The following PLA2G4D variants were observed in gnomAD, a reference collection of about 807,000 sequenced individuals.
PLA2G4D encodes phospholipase A2 group IVD.
PLA2G4D carries 80 observed loss-of-function variants against 94.4 expected under a neutral mutation model. The observed-to-expected ratio is 0.85, with a 90% CI of 0.71 to 1.02. PLA2G4D has a LOEUF of 1.02. Among genes scored for constraint, PLA2G4D ranks in the 50% least tolerant of loss-of-function variants. The pLI is 0.00. For missense variants in PLA2G4D, 1,050 were observed against 1,034.7 expected, an observed-to-expected ratio of 1.01 and a Z score of -0.20; for synonymous variants, 438 against 440.9, an observed-to-expected ratio of 0.99 and a Z score of 0.08.
chr15:42,071,465 T>G lies in PLA2G4D; in HGVS notation c.1660A>C (p.Lys554Gln). 6.2e-7 allele frequency: 1 copy of G among 1,613,392 alleles called. No individual in the cohort carries two copies. The change falls in exon 16 of 20, where the codon AAG becomes CAG. Residue 554 changes from lysine (K) to glutamine (Q), a missense_variant. Physicochemically the swap from Lys to Gln is moderately conservative, Grantham distance 53. Transcript: ENST00000290472. ...CCACCTAAGCTCCTGGTCTTGTCCT[T>G]GATGTGCTGTTTCCAGGACTCCCCA... ...SSGESWKQHI[K>Q]DKTRSLEKEP...
Position 42,071,214 on chromosome 15 carries a change from G to T in PLA2G4D, c.1785C>A (p.Gly595=). 1 of 1,613,430 alleles carries T rather than the reference G, an allele frequency of 6.2e-7. No homozygotes were observed. Among genetic ancestry groups the T allele is most frequent in the South Asian group, 1.1e-5 (1 of 91,040 alleles). ...LAQAFKGFLT[G]RPLHQRSPNF... Reference sequence around the variant, plus strand: ...TGGGGCTGCGCTGGTGGAGGGGCCTGCCTGTCAGGAAGCCTTTAAATGCCT... The same window carrying T: ...TGGGGCTGCGCTGGTGGAGGGGCCTTCCTGTCAGGAAGCCTTTAAATGCCT... The change falls in exon 17 of 20, where the codon GGC becomes GGA. Residue 595 remains glycine (G), a synonymous_variant. Coordinates refer to ENST00000290472, the MANE Select transcript of PLA2G4D (RefSeq NM_178034.4).
chr15:42,081,699 A>C (rs1890042375), intron 10 of PLA2G4D, 85 bp from the exon 11 acceptor site: 12 of 1,611,144 alleles, frequency 7.4e-6, no homozygotes, highest in Admixed American at 5.0e-5. Flanking sequence ...GCTGCCAAAG[A>C]AGCCCTCTCC....
Position 42,067,686 on chromosome 15 carries a change from A to C in PLA2G4D, c.*1029T>G, listed in dbSNP as rs763655040. The C allele has an allele frequency of 1.3e-5, 2 of 152,236 alleles. No homozygotes were observed. The highest frequency in any genetic ancestry group is 1.9e-4 in the East Asian group (1 of 5,200). The allele number at this position is 152,236 out of a possible 1,614,324, so 9.4% of individuals were successfully genotyped here. On this transcript the variant is annotated 3_prime_UTR_variant, in exon 20 of 20. Coordinates refer to ENST00000290472, the MANE Select transcript of PLA2G4D (RefSeq NM_178034.4). ...AAAACCAATTAATGCAATAGAGTACATTAATAAAATACACGACAAAACCAC... is the reference window on the plus strand; with the variant it reads ...AAAACCAATTAATGCAATAGAGTACCTTAATAAAATACACGACAAAACCAC...
intron 5 of PLA2G4D, 132 bp downstream of exon 5, chr15:42,085,359 T>G: frequency 4.3e-6 from 5 of 1,155,256 alleles, no homozygotes; most frequent in Non-Finnish European, 6.5e-6. Context: ...CCCGCCCCAC[T>G]CCCGACCTCT....
chr15:42,072,197 A>G (rs1481896650), intron 14 of PLA2G4D, 78 bp downstream of exon 14: 2 of 1,313,704 alleles, frequency 1.5e-6, no homozygotes, highest in Non-Finnish European at 2.2e-6. Context: ...AGCTTCCAGC[A>G]TGAATTCTCT....
rs1440251112 is a variant in PLA2G4D at position 42,070,376 on chromosome 15, T to A, written c.2044-281A>T. On this transcript the variant is annotated intron_variant, in intron 18 of 19. Transcript: ENST00000290472. Reference sequence around the variant, plus strand: ...GATTGCTATTGCTGGACTGTTCAAATCCCAGAGCCGAGAGGAGACCCACAT... The same window carrying A: ...GATTGCTATTGCTGGACTGTTCAAAACCCAGAGCCGAGAGGAGACCCACAT... 1.4e-5 allele frequency: 7 copies of A among 513,224 alleles called. No individual in the cohort carries two copies. The African/African-American group carries it at 1.4e-4, about 10-fold the overall frequency. 31.8% of individuals were successfully genotyped at this position (513,224 alleles called of 1,614,324 possible). A position where few individuals can be genotyped will look rare whatever the true frequency, so the allele number is the denominator to read the frequency against.
chr15:42,068,044 T>C lies in PLA2G4D; in HGVS notation c.*671A>G, dbSNP rs1317730324. 1.3e-5 allele frequency: 2 copies of C among 152,274 alleles called. No individual in the cohort carries two copies. Among genetic ancestry groups the C allele is most frequent in the African/African-American group, 4.8e-5 (2 of 41,442 alleles). The allele number at this position is 152,274 out of a possible 1,614,324, so 9.4% of individuals were successfully genotyped here. A position where few individuals can be genotyped will look rare whatever the true frequency, so the allele number is the denominator to read the frequency against. On this transcript the variant is annotated 3_prime_UTR_variant, in exon 20 of 20. Coordinates refer to ENST00000290472, the MANE Select transcript of PLA2G4D (RefSeq NM_178034.4). Reference sequence around the variant, plus strand: ...GGCATGATCTGTCTACAGAAAATTCTAAGAAATCCGCAAAAGTATTAGAGC... The same window carrying C: ...GGCATGATCTGTCTACAGAAAATTCCAAGAAATCCGCAAAAGTATTAGAGC...
At position 42,089,966 on chromosome 15, in the gene PLA2G4D, A is replaced by G. The variant is rs562641206; in HGVS notation, c.46-2266T>C. On this transcript the variant is annotated intron_variant, in intron 1 of 19. Transcript: ENST00000290472. ...CATTCCCCGGCAGGTTATTTTCCCT[A>G]GAGAAAAATCCCGATTCTCTTCACC... Among the ~76,000 whole-genome samples the G allele has an allele frequency of 7.9e-5, 12 of 152,344 alleles. No individual in the cohort carries two copies. The East Asian group carries it at 2.1e-3, about 27-fold the overall frequency.
intron 13 of PLA2G4D, among the ~76,000 whole-genome samples, chr15:42,075,562 G>A (rs143768757): frequency 0.011 from 1,705 of 152,236 alleles, 30 homozygotes; most frequent in African/African-American, 0.039. Context: ...AACATTTATT[G>A]CAAAACATGA....
chr15:42,086,346 TAGGAACC>T lies in PLA2G4D; in HGVS notation c.256-9_256-3del. 1 of 1,613,520 alleles carries T rather than the reference TAGGAACC, an allele frequency of 6.2e-7. No homozygotes were observed. The highest frequency in any genetic ancestry group is 2.2e-5 in the East Asian group (1 of 44,864). Reference sequence around the variant, plus strand: ...ATAGATGCTAAGCTCCAGAACATTCTAGGAACCAGGAACAGCGACTTAGCATTTTACC... The same window carrying T: ...ATAGATGCTAAGCTCCAGAACATTCTAGGAACAGCGACTTAGCATTTTACC... On this transcript the variant is annotated splice_region_variant and splice_polypyrimidine_tract_variant and intron_variant, in intron 3 of 19. Transcript: ENST00000290472.
intron 1 of PLA2G4D, among the ~76,000 whole-genome samples, chr15:42,093,706 G>A (rs1196529023): frequency 3.9e-5 from 6 of 152,168 alleles, no homozygotes; most frequent in Non-Finnish European, 8.8e-5. Flanking sequence ...GATCCAGCTT[G>A]GGCCTGGGTC....
chr15:42,086,413 C>A (rs1181687208), intron 3 of PLA2G4D, 69 bp from the exon 4 acceptor site: 13 of 1,510,932 alleles, frequency 8.6e-6, no homozygotes, highest in Admixed American at 8.4e-5. Flanking sequence ...TCTGTTGAGC[C>A]CTTACTTGAT....
At position 42,092,169 on chromosome 15, in the gene PLA2G4D, T is replaced by G. The variant is rs1890257072; in HGVS notation, c.45+2246A>C. On this transcript the variant is annotated intron_variant, in intron 1 of 19. Coordinates refer to ENST00000290472, the MANE Select transcript of PLA2G4D (RefSeq NM_178034.4). ...GGTCCCTACACTACTGTAACTTTAT[T>G]TATCCTCCCACAGCTTCAAAAGACA... is the stretch of plus-strand genomic sequence containing the variant. Among the ~76,000 whole-genome samples, 4 of 150,652 alleles carry G rather than the reference T, an allele frequency of 2.7e-5. 1 individual carries two copies. Among genetic ancestry groups the G allele is most frequent in the Admixed American group, 1.3e-4 (2 of 15,246 alleles).
chr15:42,081,829 T>A lies in PLA2G4D; in HGVS notation c.789A>T (p.Pro263=). Residue 263 remains proline, a synonymous_variant, in exon 10 of 20, where the codon CCA becomes CCT. Coordinates refer to ENST00000290472, the MANE Select transcript of PLA2G4D (RefSeq NM_178034.4). ...CTGCCTTGAGCTGCAGCCTCACTCC[T>A]GGGGCCTGAAATCAAAGCCAGAGAC... is the stretch of plus-strand genomic sequence containing the variant. ...VTMDVPAPNA[P]GVRLQLKAEG... 1 of 1,613,774 alleles carries A rather than the reference T, an allele frequency of 6.2e-7. No individual in the cohort carries two copies. Among genetic ancestry groups the A allele is most frequent in the Non-Finnish European group, 8.5e-7 (1 of 1,179,878 alleles).
Position 42,083,719 on chromosome 15 carries a change from C to T in PLA2G4D, c.532G>A (p.Ala178Thr), listed in dbSNP as rs746216549. Residue 178 changes from alanine (A) to threonine (T), a missense_variant, in exon 7 of 20, where the codon GCA becomes ACA. Transcript: ENST00000290472. Reference sequence around the variant, plus strand: ...CCTGGTTCTAAGCTGGTCTCACCTGCAACCACAGCGGTGCTCCCTGTGCTG... The same window carrying T: ...CCTGGTTCTAAGCTGGTCTCACCTGTAACCACAGCGGTGCTCCCTGTGCTG... ...LDSTGSTAVV[A>T]DQDKLELELV... 1 of 1,614,074 alleles carries T rather than the reference C, an allele frequency of 6.2e-7. No individual in the cohort carries two copies. Among genetic ancestry groups the T allele is most frequent in the Admixed American group, 1.7e-5 (1 of 60,030 alleles).
chr15:42,093,549 G>T (rs988964086), intron 1 of PLA2G4D, among the ~76,000 whole-genome samples: 1 of 152,150 alleles, frequency 6.6e-6, no homozygotes, highest in Non-Finnish European at 1.5e-5. Context: ...TGTCTGACTC[G>T]TGGGTGGATC....
At chr15:42,070,546 C>A in intron 18 of PLA2G4D, 171 bp downstream of exon 18, 1 of 832,862 alleles carries the variant, frequency 1.2e-6, no homozygotes, top group Non-Finnish European at 1.8e-6. Flanking sequence ...CCCTGCACCA[C>A]CCCAGCCTTC....
chr15:42,086,561 A>G (rs1161625925), intron 3 of PLA2G4D, among the ~76,000 whole-genome samples: 9 of 152,140 alleles, frequency 5.9e-5, no homozygotes. Context: ...TATCAAACAT[A>G]AAATTCTGAG....
intron 13 of PLA2G4D, among the ~76,000 whole-genome samples, chr15:42,077,010 T>G (rs927930802): frequency 6.6e-6 from 1 of 152,174 alleles, no homozygotes; most frequent in African/African-American, 2.4e-5. Flanking sequence ...CCTGGACACA[T>G]TCAACCTACC....
Sources: allele counts gnomAD v4.1 joint callset (sites outside exome capture counted in the v4.1 genomes callset), GRCh38; gene constraint gnomAD v4.1.1; transcripts MANE v1.5; gene names NCBI Gene and HGNC (gene_info 2026-07-23, HGNC 2026-07-21).